The following RABGAP1L variants were observed in gnomAD, a reference collection of about 807,000 sequenced individuals.
The protein encoded by RABGAP1L is rab GTPase-activating protein 1-like.
Under a neutral mutation model 137.7 loss-of-function variants are expected in RABGAP1L, and 63 were observed. The observed-to-expected ratio is 0.46, with a 90% CI of 0.37 to 0.56. RABGAP1L has a LOEUF of 0.56. RABGAP1L is among the 20% of genes least tolerant of loss of function. The pLI, the probability that RABGAP1L is intolerant of heterozygous loss-of-function variation, is 0.00. For synonymous variants in RABGAP1L, 431 were observed against 433.7 expected (o/e 0.99, Z 0.08); for missense variants, 1,095 against 1,244.0 (o/e 0.88, Z 1.80).
intron 13 of RABGAP1L, among the ~76,000 whole-genome samples, chr1:174,524,955 A>G (rs1475928976): frequency 6.6e-6 from 1 of 151,992 alleles, no homozygotes; most frequent in East Asian, 1.9e-4. Flanking sequence ...TTAGTTGTAA[A>G]TAGGTGGATT....
At chr1:174,382,993 A>C (rs982012539) in intron 12 of RABGAP1L, among the ~76,000 whole-genome samples, 31 of 150,730 alleles carry the variant, frequency 2.1e-4, no homozygotes, top group African/African-American at 6.9e-4. Context: ...TCTGTTTGTT[A>C]GTTTTCCTTC....
intron 19 of RABGAP1L, among the ~76,000 whole-genome samples, chr1:174,899,935 T>TG (rs1012125485): frequency 1.2e-4 from 18 of 151,040 alleles, no homozygotes; most frequent in Non-Finnish European, 2.1e-4. Context: ...GGGGAATGTT[T>TG]GGGGGGGTAG....
chr1:174,215,052 A>G (rs986518215), intron 1 of RABGAP1L, among the ~76,000 whole-genome samples: 1 of 152,236 alleles, frequency 6.6e-6, no homozygotes, highest in Non-Finnish European at 1.5e-5. Context: ...TGAAGAGACA[A>G]CCCACAGAAT....
Position 174,988,715 on chromosome 1 carries a change from C to T in RABGAP1L, c.2880C>T (p.Gly960=). The change falls in exon 25 of 26, where the codon GGC becomes GGT. Residue 960 remains glycine, a synonymous_variant. Transcript: ENST00000681986. ...GTGCTTTGAAACTAGCAGCCACAGG[C>T]AGAGAGGACCAGGGAATTGAAACAG... is the stretch of plus-strand genomic sequence containing the variant. ...KEGALKLAAT[G]REDQGIETDD... 1 of 1,548,808 alleles carries T rather than the reference C, an allele frequency of 6.5e-7. No individual in the cohort carries two copies. Among genetic ancestry groups the T allele is most frequent in the Non-Finnish European group, 8.7e-7 (1 of 1,146,150 alleles).
At chr1:174,665,610 T>C (rs1368575025) in intron 14 of RABGAP1L, among the ~76,000 whole-genome samples, 3 of 152,134 alleles carry the variant, frequency 2.0e-5, no homozygotes, top group Admixed American at 6.5e-5. Flanking sequence ...CGTGCACCAC[T>C]GTGCCCAGCT....
intron 19 of RABGAP1L, among the ~76,000 whole-genome samples, chr1:174,867,381 C>G (rs985112480): frequency 6.6e-6 from 1 of 151,566 alleles, no homozygotes; most frequent in Admixed American, 6.6e-5. Flanking sequence ...CTGTTGGATG[C>G]AATATAAGTT....
At chr1:174,925,859 G>GT (rs11340680) in intron 19 of RABGAP1L, among the ~76,000 whole-genome samples, 40 of 128,850 alleles carry the variant, frequency 3.1e-4, no homozygotes, top group South Asian at 7.3e-4. Flanking sequence ...TTTGTTGTTG[G>GT]TTTTTTTTTT....
intron 13 of RABGAP1L, among the ~76,000 whole-genome samples, chr1:174,477,099 T>C (rs758429593): frequency 6.6e-6 from 1 of 152,174 alleles, no homozygotes; most frequent in Non-Finnish European, 1.5e-5. Context: ...TGTGCTGAGA[T>C]ATCAAAGTTA....
intron 19 of RABGAP1L, among the ~76,000 whole-genome samples, chr1:174,845,023 G>C (rs1167912468): frequency 6.8e-6 from 1 of 147,566 alleles, no homozygotes; most frequent in Non-Finnish European, 1.5e-5. Flanking sequence ...TTGGCTCTCT[G>C]TTTGTCTGTT....
chr1:174,778,205 T>C (rs1408853488), intron 18 of RABGAP1L, among the ~76,000 whole-genome samples: 2 of 152,154 alleles, frequency 1.3e-5, no homozygotes, highest in Admixed American at 6.5e-5. Context: ...CAAAGAAAAG[T>C]ATATCAGCAG....
intron 14 of RABGAP1L, among the ~76,000 whole-genome samples, chr1:174,681,508 A>G (rs962468404): frequency 6.6e-6 from 1 of 152,216 alleles, no homozygotes; most frequent in African/African-American, 2.4e-5. Context: ...ATTTTTTTAA[A>G]TGAAAAACTA....
intron 12 of RABGAP1L, among the ~76,000 whole-genome samples, chr1:174,392,016 A>G (rs764046988): frequency 3.3e-5 from 5 of 152,182 alleles, no homozygotes; most frequent in Non-Finnish European, 5.9e-5. Flanking sequence ...TCCTTGTCAA[A>G]TAGTTTATTC....
At chr1:174,802,876 A>G (rs1199204294) in intron 18 of RABGAP1L, among the ~76,000 whole-genome samples, 1 of 152,224 alleles carries the variant, frequency 6.6e-6, no homozygotes, top group Non-Finnish European at 1.5e-5. Flanking sequence ...TCAATGGCTA[A>G]TCTGCACAGG....
chr1:174,347,673 T>C (rs1040151907), intron 11 of RABGAP1L, among the ~76,000 whole-genome samples: 6 of 152,166 alleles, frequency 3.9e-5, no homozygotes, highest in Admixed American at 6.5e-5. Flanking sequence ...TTTTGTATTT[T>C]TTAGTGGAGA....
At chr1:174,623,211 G>A (rs933530422) in intron 13 of RABGAP1L, among the ~76,000 whole-genome samples, 7 of 152,150 alleles carry the variant, frequency 4.6e-5, no homozygotes, top group Non-Finnish European at 1.0e-4. Flanking sequence ...AATGTCAGAG[G>A]AAAAGTTGAA....
chr1:174,286,817 T>TTC (rs1676093482), intron 10 of RABGAP1L, among the ~76,000 whole-genome samples: 1 of 152,162 alleles, frequency 6.6e-6, no homozygotes, highest in African/African-American at 2.4e-5. Context: ...CAGGAATGTG[T>TTC]TCTTTAGTTT....
chr1:174,374,491 A>C (rs1297105102), intron 12 of RABGAP1L, among the ~76,000 whole-genome samples: 2 of 151,656 alleles, frequency 1.3e-5, no homozygotes, highest in Non-Finnish European at 2.9e-5. Flanking sequence ...CTTATACTCC[A>C]ATTGAAATTA....
At position 174,893,941 on chromosome 1, in the gene RABGAP1L, G is replaced by A. The variant is rs145949432; in HGVS notation, c.2341-63516G>A. Among the ~76,000 whole-genome samples, 104 of 152,268 alleles carry A rather than the reference G, an allele frequency of 6.8e-4. 1 individual carries two copies. Among genetic ancestry groups the A allele is most frequent in the African/African-American group, 2.3e-3 (96 of 41,550 alleles). On this transcript the variant is annotated intron_variant, in intron 19 of 25. Coordinates refer to ENST00000681986, the MANE Select transcript of RABGAP1L (RefSeq NM_001366446.1). ...ACATGCATCCTGCTGCTAGGGAAGT[G>A]CATTAAGGTACCTTCAAAACCTTTT...
At chr1:174,483,206 G>T (rs1659290709) in intron 13 of RABGAP1L, among the ~76,000 whole-genome samples, 1 of 151,974 alleles carries the variant, frequency 6.6e-6, no homozygotes, top group Non-Finnish European at 1.5e-5. Flanking sequence ...ACCCTGTTAT[G>T]CTAGCAAATA....
Sources: gnomAD v4.1 joint callset for allele counts (sites outside exome capture counted in the v4.1 genomes callset) on GRCh38, gnomAD v4.1.1 for gene constraint, MANE v1.5 for transcripts, NCBI Gene and HGNC (gene_info 2026-07-23, HGNC 2026-07-21) for gene names.